The following KRABD3 variants were observed in gnomAD, a reference collection of about 807,000 sequenced individuals.
The protein encoded by KRABD3 is KRAB domain containing 3, also known as KRAB domain-containing protein 3.
the KRABD3 span, chr7:149,715,029 G>T: frequency 9.0e-6 from 11 of 1,228,382 alleles, no homozygotes; most frequent in South Asian, 8.2e-5. Flanking sequence ...GGAAACCGAG[G>T]AGTGGCGGGG....
At chr7:149,732,624 AAC>A in the KRABD3 span, among the ~76,000 whole-genome samples, 1,897 of 149,280 alleles carry the variant, frequency 0.013, 49 homozygotes, top group African/African-American at 0.042. This position sits in a 1 kb window ranked among gnomAD's most constrained non-coding sequence, Gnocchi z 4.0. Context: ...TTTTAAAAAA[AAC>A]AAAAAGCTTA....
chr7:149,728,290 G>A, the KRABD3 span, among the ~76,000 whole-genome samples: 3 of 152,210 alleles, frequency 2.0e-5, no homozygotes, highest in Admixed American at 2.0e-4. Context: ...TGTGGCCAAC[G>A]CCCTCATGAC....
At chr7:149,725,529 C>A in the KRABD3 span, 1 of 1,547,108 alleles carries the variant, frequency 6.5e-7, no homozygotes, top group Non-Finnish European at 8.7e-7. Context: ...TGTCCCTGAG[C>A]GTGGCAGCGG....
chr7:149,723,466 C>T, the KRABD3 span: 3 of 481,736 alleles, frequency 6.2e-6, no homozygotes, highest in South Asian at 9.5e-5. Flanking sequence ...CTGTCTCAAA[C>T]AGTGACCCTG....
chr7:149,721,488 C>T, the KRABD3 span: 2 of 1,612,948 alleles, frequency 1.2e-6, no homozygotes, highest in Non-Finnish European at 1.7e-6. Context: ...AGCTCGTGTT[C>T]CAGTGGCCCA....
chr7:149,720,826 T>G, the KRABD3 span: 1 of 1,576,776 alleles, frequency 6.3e-7, no homozygotes, highest in African/African-American at 1.3e-5. Context: ...CACTGTGGCC[T>G]CTCTGCAGGG....
chr7:149,719,377 C>T, the KRABD3 span: 4 of 628,504 alleles, frequency 6.4e-6, no homozygotes, highest in Non-Finnish European at 5.1e-6. The surrounding 1 kb of genome is among the most constrained non-coding windows in gnomAD (Gnocchi z 5.6). Context: ...TCTGCAGAGA[C>T]ACAGCTCACC....
At chr7:149,724,974 C>T in the KRABD3 span, 2 of 797,338 alleles carry the variant, frequency 2.5e-6, no homozygotes, top group Non-Finnish European at 3.8e-6. Context: ...TCTTCCCAAG[C>T]AGTGAATCCC....
the KRABD3 span, among the ~76,000 whole-genome samples, chr7:149,715,901 C>G: frequency 6.6e-6 from 1 of 152,192 alleles, no homozygotes; most frequent in Non-Finnish European, 1.5e-5. Context: ...TCAGACATGC[C>G]CATGGCCCCA....
At chr7:149,732,257 A>C in the KRABD3 span, among the ~76,000 whole-genome samples, 4 of 152,010 alleles carry the variant, frequency 2.6e-5, no homozygotes, top group South Asian at 2.1e-4. The surrounding 1 kb of genome is among the most constrained non-coding windows in gnomAD (Gnocchi z 4.0). Context: ...AGGCGCCACC[A>C]CTTTGCTGTG....
the KRABD3 span, among the ~76,000 whole-genome samples, chr7:149,718,490 C>T: frequency 6.7e-6 from 1 of 149,944 alleles, no homozygotes; most frequent in Non-Finnish European, 1.5e-5. Flanking sequence ...TGTCTGATGG[C>T]CACTTTAAAG....
the KRABD3 span, chr7:149,724,997 C>T: frequency 2.8e-6 from 2 of 723,416 alleles, no homozygotes; most frequent in Admixed American, 6.3e-5. Flanking sequence ...CATCCACAGC[C>T]TCCTCAGCCC....
the KRABD3 span, chr7:149,719,385 AC>A: frequency 4.6e-6 from 3 of 656,202 alleles, no homozygotes; most frequent in Non-Finnish European, 7.2e-6. This position sits in a 1 kb window ranked among gnomAD's most constrained non-coding sequence, Gnocchi z 5.6. Flanking sequence ...GACACAGCTC[AC>A]CCCCAGCACT....
the KRABD3 span, chr7:149,725,503 T>C: frequency 6.3e-7 from 1 of 1,591,458 alleles, no homozygotes. Flanking sequence ...ATTGTGGCCA[T>C]GGGCGCGGGG....
At chr7:149,733,474 G>T in the KRABD3 span, 3 of 1,579,930 alleles carry the variant, frequency 1.9e-6, no homozygotes, top group Non-Finnish European at 2.6e-6. Flanking sequence ...GGCTGGGGAG[G>T]CGCCCCCAAG....
At chr7:149,725,143 G>T in the KRABD3 span, among the ~76,000 whole-genome samples, 1 of 152,198 alleles carries the variant, frequency 6.6e-6, no homozygotes, top group East Asian at 1.9e-4. Flanking sequence ...CAGGGTGGGG[G>T]GCGAGAGCCG....
the KRABD3 span, among the ~76,000 whole-genome samples, chr7:149,723,151 G>A: frequency 6.6e-6 from 1 of 152,246 alleles, no homozygotes; most frequent in Non-Finnish European, 1.5e-5. Context: ...AAACTCGGAA[G>A]CAGGCTTTGC....
At chr7:149,728,778 CT>C in the KRABD3 span, 1 of 1,316,026 alleles carries the variant, frequency 7.6e-7, no homozygotes, top group Non-Finnish European at 1.0e-6. Flanking sequence ...CAACATGGTG[CT>C]CTGGAAACAG....
chr7:149,725,624 C>T, the KRABD3 span: 10 of 964,150 alleles, frequency 1.0e-5, no homozygotes, highest in African/African-American at 3.3e-5. Flanking sequence ...CTTTCATACT[C>T]ACTCCCAAAC....
Sources: gnomAD v4.1 joint callset for allele counts (sites outside exome capture counted in the v4.1 genomes callset) on GRCh38, gnomAD v4.1.1 for gene constraint, Gnocchi (gnomAD v3.1) non-coding constraint, MANE v1.5 for transcripts, NCBI Gene and HGNC (gene_info 2026-07-23, HGNC 2026-07-21) for gene names.